Variants in GRID1 observed in about 807,000 individuals in gnomAD.
The protein encoded by GRID1 is glutamate ionotropic receptor delta type subunit 1.
In GRID1, 28 loss-of-function variants were observed where a neutral mutation model predicts 98.0. That is an observed-to-expected ratio of 0.29 (90% confidence interval 0.21 to 0.39). GRID1 has a LOEUF of 0.39. GRID1 is among the 10% of genes least tolerant of loss of function. The pLI, the probability that GRID1 is intolerant of heterozygous loss-of-function variation, is 1.00. For missense variants in GRID1, 1,111 were observed against 1,340.5 expected (o/e 0.83, Z 2.67); for synonymous variants, 553 against 538.5 (o/e 1.03, Z -0.37).
intron 8 of GRID1, among the ~76,000 whole-genome samples, chr10:85,820,315 G>A (rs1017779383): frequency 1.1e-4 from 16 of 152,182 alleles, no homozygotes; most frequent in African/African-American, 3.6e-4. Context: ...AAAGAGCCAC[G>A]ATGACTAACT....
chr10:85,690,872 G>GAC (rs113101674), intron 12 of GRID1, among the ~76,000 whole-genome samples: 33,463 of 150,272 alleles, frequency 0.22, 3,888 homozygotes, highest in Middle Eastern at 0.25. Context: ...CAGCAGTGCA[G>GAC]ACACACACAC....
chr10:86,266,621 C>T (rs191041301), intron 2 of GRID1, among the ~76,000 whole-genome samples: 1 of 152,338 alleles, frequency 6.6e-6, no homozygotes, highest in Non-Finnish European at 1.5e-5. Context: ...AGCTCAGAGC[C>T]GCCAGGCCCA....
intron 4 of GRID1, among the ~76,000 whole-genome samples, chr10:86,137,748 CG>C: frequency 6.6e-6 from 1 of 152,122 alleles, no homozygotes. Context: ...CGGCGTGATT[CG>C]GGGCCTGATT....
chr10:86,283,407 G>C (rs1184235574), intron 2 of GRID1, among the ~76,000 whole-genome samples: 1 of 152,142 alleles, frequency 6.6e-6, no homozygotes, highest in African/African-American at 2.4e-5. Context: ...CCCACTGCCT[G>C]GCTGGAAGGA....
chr10:85,801,873 T>C (rs543145875), intron 8 of GRID1, among the ~76,000 whole-genome samples: 13 of 152,070 alleles, frequency 8.5e-5, no homozygotes, highest in Admixed American at 2.6e-4. Flanking sequence ...CGTGTTTATA[T>C]ATAAAACAAA....
At chr10:85,876,476 C>T (rs1015339152) in intron 5 of GRID1, among the ~76,000 whole-genome samples, 2 of 152,130 alleles carry the variant, frequency 1.3e-5, no homozygotes, top group African/African-American at 4.8e-5. Context: ...GATAATCGCC[C>T]CATCTCAAGA....
intron 2 of GRID1, among the ~76,000 whole-genome samples, chr10:86,280,518 T>C (rs1031618164): frequency 2.6e-5 from 4 of 152,238 alleles, no homozygotes; most frequent in Admixed American, 6.5e-5. Flanking sequence ...ACATTCATTA[T>C]GGAGAACCCT....
chr10:86,322,553 G>A (rs1235197140), intron 2 of GRID1, among the ~76,000 whole-genome samples: 1 of 151,796 alleles, frequency 6.6e-6, no homozygotes, highest in Non-Finnish European at 1.5e-5. Flanking sequence ...TGGGACTAGA[G>A]GCACACGTCA....
chr10:85,831,284 T>C (rs191552122), intron 8 of GRID1, among the ~76,000 whole-genome samples: 5 of 151,922 alleles, frequency 3.3e-5, no homozygotes, highest in African/African-American at 7.2e-5. Context: ...CTTGAGTACA[T>C]GAGGGTGGAG....
At chr10:85,701,447 C>T (rs1014080540) in intron 12 of GRID1, among the ~76,000 whole-genome samples, 4 of 151,836 alleles carry the variant, frequency 2.6e-5, no homozygotes, top group African/African-American at 7.3e-5. Context: ...TGTATCAATC[C>T]GAATGCTAGA....
chr10:85,769,681 C>T (rs145764640), intron 8 of GRID1, among the ~76,000 whole-genome samples: 1 of 152,196 alleles, frequency 6.6e-6, no homozygotes, highest in Non-Finnish European at 1.5e-5. Context: ...TATCCTGCAC[C>T]TGGCTCGGAG....
At chr10:86,057,785 C>T (rs1843594724) in intron 4 of GRID1, among the ~76,000 whole-genome samples, 1 of 152,188 alleles carries the variant, frequency 6.6e-6, no homozygotes, top group African/African-American at 2.4e-5. Context: ...CACTCTAATG[C>T]ATCTTGACTT....
intron 2 of GRID1, among the ~76,000 whole-genome samples, chr10:86,227,164 G>A (rs1343502279): frequency 6.6e-6 from 1 of 152,222 alleles, no homozygotes; most frequent in African/African-American, 2.4e-5. Flanking sequence ...AGAGGCTTGA[G>A]AGGAGGGACT....
rs552429966 is a variant in GRID1, at chr10:85,811,054, C to G, written c.1233+43442G>C. Among the ~76,000 whole-genome samples the G allele has an allele frequency of 2.0e-5, 3 of 152,288 alleles. No individual in the cohort carries two copies. The East Asian group carries it at 5.8e-4, about 29-fold the overall frequency. ...CACCCTAGCCTGAGAAACACTTCAG[C>G]AAGCCCACCCCTGAAGAAGCTGTGT... On this transcript the variant is annotated intron_variant, in intron 8 of 15. Transcript: ENST00000327946.
intron 8 of GRID1, among the ~76,000 whole-genome samples, chr10:85,748,492 G>C (rs756867181): frequency 1.3e-5 from 2 of 152,110 alleles, no homozygotes; most frequent in Non-Finnish European, 2.9e-5. Flanking sequence ...TATCGTATTA[G>C]CAATATTAAA....
intron 8 of GRID1, among the ~76,000 whole-genome samples, chr10:85,780,377 G>A (rs770362147): frequency 6.6e-6 from 1 of 152,200 alleles, no homozygotes; most frequent in African/African-American, 2.4e-5. Context: ...GGTAGAGGAG[G>A]AAGTGGGGCT....
chr10:85,969,523 A>C (rs1842380874), intron 4 of GRID1, among the ~76,000 whole-genome samples: 1 of 152,150 alleles, frequency 6.6e-6, no homozygotes, highest in African/African-American at 2.4e-5. Context: ...TAAAGTAGAA[A>C]ATCTATACTA....
At chr10:86,198,142 C>T (rs938253316) in intron 3 of GRID1, among the ~76,000 whole-genome samples, 1 of 152,080 alleles carries the variant, frequency 6.6e-6, no homozygotes, top group African/African-American at 2.4e-5. Flanking sequence ...CGGAATTTTA[C>T]TTCAGGAAGA....
chr10:86,127,613 C>T (rs573226387), intron 4 of GRID1, among the ~76,000 whole-genome samples: 1 of 152,296 alleles, frequency 6.6e-6, no homozygotes, highest in East Asian at 1.9e-4. Context: ...AGTGCTGGAC[C>T]ACAAGCTGGT....
Sources: allele counts gnomAD v4.1 joint callset (sites outside exome capture counted in the v4.1 genomes callset), GRCh38; gene constraint gnomAD v4.1.1; transcripts MANE v1.5; gene names NCBI Gene and HGNC (gene_info 2026-07-23, HGNC 2026-07-21).